STIM1: variants seen among roughly 807,000 people sequenced by gnomAD.
STIM1 encodes the protein stromal interaction molecule 1.
Under a neutral mutation model 74.7 loss-of-function variants are expected in STIM1, and 25 were observed. That is an observed-to-expected ratio of 0.33 (90% CI 0.24 to 0.47). The LOEUF is 0.47. Ranked by LOEUF, STIM1 falls within the 20% of genes least tolerant of loss-of-function variation. STIM1 has a pLI of 1.00. For missense variants in STIM1, 728 were observed against 920.8 expected (o/e 0.79, Z 2.71); for synonymous variants, 328 against 348.8 (o/e 0.94, Z 0.66).
At chr11:4,015,551 T>C (rs972736312) in intron 2 of STIM1, among the ~76,000 whole-genome samples, 1 of 152,226 alleles carries the variant, frequency 6.6e-6, no homozygotes, top group Admixed American at 6.5e-5. Flanking sequence ...GGAGTATCTT[T>C]ATGGTGTTCT....
intron 1 of STIM1, among the ~76,000 whole-genome samples, chr11:3,951,561 C>T (rs2093148645): frequency 6.6e-6 from 1 of 152,082 alleles, no homozygotes; most frequent in Non-Finnish European, 1.5e-5. Flanking sequence ...GTGCCTGGTT[C>T]CTCAGTGTTT....
At chr11:3,937,042 A>G (rs2092940518) in intron 1 of STIM1, among the ~76,000 whole-genome samples, 1 of 152,076 alleles carries the variant, frequency 6.6e-6, no homozygotes, top group Admixed American at 6.6e-5. Context: ...GCAGTGGACC[A>G]CGTCTGTAAT....
At chr11:3,958,674 C>G (rs2093247848) in intron 1 of STIM1, among the ~76,000 whole-genome samples, 1 of 152,002 alleles carries the variant, frequency 6.6e-6, no homozygotes. Context: ...TTTTTTAAGA[C>G]TTCACATTTC....
intron 1 of STIM1, among the ~76,000 whole-genome samples, chr11:3,905,127 T>C (rs1340066427): frequency 2.0e-5 from 3 of 151,842 alleles, no homozygotes; most frequent in African/African-American, 4.8e-5. Context: ...AAGAAAGCAA[T>C]AGTGTCTGTT....
chr11:3,877,559 G>A (rs2135302647), intron 1 of STIM1, among the ~76,000 whole-genome samples: 1 of 152,260 alleles, frequency 6.6e-6, no homozygotes, highest in Non-Finnish European at 1.5e-5. Flanking sequence ...CGTGTACTCA[G>A]CTTGACTTCT....
chr11:4,045,188 T>A (rs1236075779), intron 3 of STIM1, among the ~76,000 whole-genome samples: 2 of 152,012 alleles, frequency 1.3e-5, no homozygotes, highest in Non-Finnish European at 2.9e-5. Flanking sequence ...AATAAAAAAG[T>A]AGCCTTCTTT....
intron 2 of STIM1, among the ~76,000 whole-genome samples, chr11:4,015,266 T>A (rs1303286058): frequency 6.6e-6 from 1 of 152,262 alleles, no homozygotes; most frequent in East Asian, 1.9e-4. Context: ...TTTCTCAGCA[T>A]TTGCTTGTCT....
intron 1 of STIM1, among the ~76,000 whole-genome samples, chr11:3,940,129 AC>A (rs2092987233): frequency 6.6e-6 from 1 of 152,210 alleles, no homozygotes; most frequent in Non-Finnish European, 1.5e-5. Context: ...TGGTTAAAGC[AC>A]AGCTATTTAG....
intron 12 of STIM1, among the ~76,000 whole-genome samples, chr11:4,089,839 G>A (rs1049178910): frequency 1.7e-4 from 26 of 152,164 alleles, no homozygotes; most frequent in African/African-American, 6.0e-4. Flanking sequence ...CCTTTGGCTA[G>A]CAGACGTTTA....
chr11:3,858,710 G>T (rs1327512625), intron 1 of STIM1, among the ~76,000 whole-genome samples: 1 of 152,154 alleles, frequency 6.6e-6, no homozygotes, highest in Non-Finnish European at 1.5e-5. Context: ...AGCTTTACTT[G>T]CTCTTAAAAC....
intron 1 of STIM1, among the ~76,000 whole-genome samples, chr11:3,870,445 A>G (rs1007288996): frequency 2.0e-5 from 3 of 152,028 alleles, no homozygotes; most frequent in African/African-American, 7.2e-5. Context: ...ATTAATTTTT[A>G]CCTCATGGAG....
chr11:4,075,860 T>C (rs951259556), intron 7 of STIM1, among the ~76,000 whole-genome samples: 1 of 152,242 alleles, frequency 6.6e-6, no homozygotes, highest in Non-Finnish European at 1.5e-5. Context: ...CTCAGTATTT[T>C]TAGGCATTTT....
chr11:3,876,724 C>A (rs2091317992), intron 1 of STIM1, among the ~76,000 whole-genome samples: 1 of 152,010 alleles, frequency 6.6e-6, no homozygotes. Flanking sequence ...TTTATTGAGT[C>A]CTGCCTGGTT....
chr11:4,034,322 C>G (rs966347129), intron 3 of STIM1, among the ~76,000 whole-genome samples: 1 of 151,960 alleles, frequency 6.6e-6, no homozygotes, highest in East Asian at 1.9e-4. Flanking sequence ...TCCTAGTTTG[C>G]TGAGAGCCTT....
chr11:4,070,345 C>G, intron 6 of STIM1, 142 bp downstream of exon 6: 2 of 919,750 alleles, frequency 2.2e-6, no homozygotes, highest in South Asian at 2.8e-5. Flanking sequence ...AACTGCATTG[C>G]AAGTTTAGGT....
chr11:3,967,921 G>C (rs112204291), intron 2 of STIM1, among the ~76,000 whole-genome samples: 6 of 152,194 alleles, frequency 3.9e-5, no homozygotes, highest in South Asian at 2.1e-4. Context: ...CTACTGGCTA[G>C]TTGTGTAACA....
chr11:4,086,656 C>G, intron 12 of STIM1, 113 bp downstream of exon 12: 1 of 1,553,774 alleles, frequency 6.4e-7, no homozygotes, highest in Non-Finnish European at 8.7e-7. Context: ...GACCAGCTCT[C>G]CATCTGCCTC....
At position 3,895,809 on chromosome 11, in the gene STIM1, TTTCC is replaced by T. The variant is rs1311945062; in HGVS notation, c.139+39408_139+39411del. Among the ~76,000 whole-genome samples the T allele has an allele frequency of 3.0e-3, 320 of 105,760 alleles. 20 individuals carry two copies. The highest frequency in any genetic ancestry group is 2.8e-3 in the Non-Finnish European group (158 of 55,896). The allele number at this position is 105,760 out of a possible 152,430, so 69.4% of individuals were successfully genotyped here. A position where few individuals can be genotyped will look rare whatever the true frequency, so the allele number is the denominator to read the frequency against. ...CTTCCTTCCTTCCTTCCTTCCTTTC[TTTCC>T]TTCCTTCTTTCTTTTCTTTCTTTCT... On this transcript the variant is annotated intron_variant, in intron 1 of 12. Coordinates refer to ENST00000526596, the MANE Select transcript of STIM1 (RefSeq NM_001382567.1).
intron 1 of STIM1, among the ~76,000 whole-genome samples, chr11:3,859,761 C>G (rs1277955958): frequency 1.3e-5 from 2 of 152,198 alleles, no homozygotes; most frequent in African/African-American, 4.8e-5. Context: ...CTGAGGGTGG[C>G]TCCCGGAACT....
Sources: gnomAD v4.1 joint callset for allele counts (sites outside exome capture counted in the v4.1 genomes callset) on GRCh38, gnomAD v4.1.1 for gene constraint, MANE v1.5 for transcripts, NCBI Gene and HGNC (gene_info 2026-07-23, HGNC 2026-07-21) for gene names.